STON1: variants seen among roughly 807,000 people sequenced by gnomAD.
STON1 encodes stonin 1.
Under a neutral mutation model 60.9 loss-of-function variants are expected in STON1, and 79 were observed. The ratio of observed to expected loss-of-function variants is 1.30; its 90% confidence interval spans 1.08 to 1.56. The LOEUF is 1.56. Among genes scored for constraint, STON1 ranks in the 40% most tolerant of loss-of-function variants. The pLI is 0.00. For synonymous variants in STON1, 363 were observed against 306.9 expected (o/e 1.18, Z -1.91); for missense variants, 1,166 against 858.9 (o/e 1.36, Z -4.47).
rs142007343 is a variant in STON1, at chr2:48,549,223, A to G, written c.-48+19007A>G. Among the ~76,000 whole-genome samples, 30 of 152,262 alleles carry G rather than the reference A, an allele frequency of 2.0e-4. No individual in the cohort carries two copies. The East Asian group carries it at 5.4e-3, about 27-fold the overall frequency. ...AAACTAAAAAGAGTAACAAGAGCAG[A>G]AGAATTTATCAAGTGCTTCCTATTT... is the stretch of plus-strand genomic sequence containing the variant. On this transcript the variant is annotated intron_variant, in intron 1 of 3. Transcript: ENST00000404752.
chr2:48,570,301 T>G (rs1302840122), intron 1 of STON1, among the ~76,000 whole-genome samples: 1 of 151,864 alleles, frequency 6.6e-6, no homozygotes, highest in South Asian at 2.1e-4. Flanking sequence ...ACCACTGCAC[T>G]CCAGCCTGGG....
chr2:48,576,761 A>G (rs1183443262), intron 1 of STON1, among the ~76,000 whole-genome samples: 1 of 152,132 alleles, frequency 6.6e-6, no homozygotes, highest in East Asian at 1.9e-4. Flanking sequence ...CCTTATAAGA[A>G]ATACCGTTTG....
At chr2:48,591,926 C>T (rs764358311) in intron 3 of STON1, 71 bp downstream of exon 3, 24 of 1,544,820 alleles carry the variant, frequency 1.6e-5, no homozygotes, top group African/African-American at 4.1e-5. Flanking sequence ...CTTTTGTGAT[C>T]GTGTATGTGT....
At position 48,581,145 on chromosome 2, in the gene STON1, C is replaced by T. The variant is rs992689557; in HGVS notation, c.512C>T (p.Pro171Leu). The change falls in exon 2 of 4, where the codon CCC (proline) becomes CTC (leucine). Residue 171 changes from proline (P) to leucine (L), a missense_variant. Physicochemically the swap from Pro to Leu is moderately conservative, Grantham distance 98. Coordinates refer to ENST00000404752, the MANE Select transcript of STON1 (RefSeq NM_006873.4). ...CTAGGATTCCAAAGTGATGATCTCC[C>T]CCAGTTTCAGTATTTTCGAGAGGAC... ...ESLGFQSDDL[P>L]QFQYFREDCA... 5.1e-6 allele frequency: 8 copies of T among 1,568,962 alleles called. No homozygotes were observed. In the Middle Eastern group the frequency reaches 5.1e-4, roughly 101 times the overall value.
chr2:48,576,888 A>C (rs975213337), intron 1 of STON1, among the ~76,000 whole-genome samples: 6 of 152,056 alleles, frequency 3.9e-5, no homozygotes, highest in African/African-American at 1.4e-4. Flanking sequence ...CCCTGTCTCT[A>C]CTAAAAATAC....
rs1674777935 is a variant in STON1 at position 48,596,252 on chromosome 2, C to T, written c.*950C>T. 6.6e-6 allele frequency: 1 copy of T among 152,048 alleles called. No homozygotes were observed. Among genetic ancestry groups the T allele is most frequent in the Non-Finnish European group, 1.5e-5 (1 of 67,994 alleles). 9.4% of individuals were successfully genotyped at this position (152,048 alleles called of 1,614,324 possible). On this transcript the variant is annotated 3_prime_UTR_variant, in exon 4 of 4. Coordinates refer to ENST00000404752, the MANE Select transcript of STON1 (RefSeq NM_006873.4). ...GCTATCATGCTGTTTTATGCTAATT[C>T]TGCTTATTTTAGAGTATTTTTCATT...
At chr2:48,532,383 TAAA>T (rs776104087) in intron 1 of STON1, among the ~76,000 whole-genome samples, 2,569 of 133,488 alleles carry the variant, frequency 0.019, 34 homozygotes, top group Non-Finnish European at 0.029. Context: ...AATAAATAAA[TAAA>T]TAATTGATAG....
chr2:48,562,005 C>G (rs918905989), intron 1 of STON1, among the ~76,000 whole-genome samples: 1 of 152,104 alleles, frequency 6.6e-6, no homozygotes, highest in Non-Finnish European at 1.5e-5. Context: ...GGATTACAGG[C>G]GTGCGCCACC....
At chr2:48,532,572 A>G (rs1671257059) in intron 1 of STON1, among the ~76,000 whole-genome samples, 1 of 152,188 alleles carries the variant, frequency 6.6e-6, no homozygotes, top group Non-Finnish European at 1.5e-5. Flanking sequence ...TTAATAGTGC[A>G]TTTAATATCC....
chr2:48,568,594 G>A (rs2103860329), intron 1 of STON1, among the ~76,000 whole-genome samples: 1 of 152,132 alleles, frequency 6.6e-6, no homozygotes, highest in African/African-American at 2.4e-5. Flanking sequence ...GAGAGGCAGG[G>A]CACCTAAATC....
At chr2:48,537,874 GA>G (rs955889959) in intron 1 of STON1, among the ~76,000 whole-genome samples, 52 of 148,310 alleles carry the variant, frequency 3.5e-4, no homozygotes, top group African/African-American at 1.2e-3. Context: ...AAAAAAAAAG[GA>G]AAAAAAAAGG....
intron 1 of STON1, among the ~76,000 whole-genome samples, chr2:48,543,529 C>CTT (rs869048449): frequency 6.5e-4 from 83 of 128,184 alleles, no homozygotes; most frequent in Non-Finnish European, 8.1e-4. Context: ...TTAAAGATAA[C>CTT]TTTTTTTTTT....
At chr2:48,548,050 T>C (rs2103778000) in intron 1 of STON1, among the ~76,000 whole-genome samples, 1 of 152,390 alleles carries the variant, frequency 6.6e-6, no homozygotes, top group Admixed American at 6.5e-5. Context: ...CATGCCCTGA[T>C]GTCCTGGTGA....
chr2:48,587,507 G>C (rs1260891623), intron 2 of STON1, among the ~76,000 whole-genome samples: 2 of 152,114 alleles, frequency 1.3e-5, no homozygotes, highest in Admixed American at 1.3e-4. Context: ...TGGCCAGGCT[G>C]GTCTCAAACT....
chr2:48,582,565 T>C lies in STON1; in HGVS notation c.1930+2T>C. On this transcript the variant is annotated splice_donor_variant, in intron 2 of 3. Transcript: ENST00000404752. LOFTEE classifies it high-confidence loss of function. Reference sequence around the variant, plus strand: ...ATCGGCTTCCAGACAAAAATTCAAGTAAATATTCAACACCCCAAGTTTATT... The same window carrying C: ...ATCGGCTTCCAGACAAAAATTCAAGCAAATATTCAACACCCCAAGTTTATT... 1 of 1,605,036 alleles carries C rather than the reference T, an allele frequency of 6.2e-7. No individual in the cohort carries two copies. Among genetic ancestry groups the C allele is most frequent in the Non-Finnish European group, 8.5e-7 (1 of 1,176,272 alleles).
At chr2:48,562,005 C>T (rs918905989) in intron 1 of STON1, among the ~76,000 whole-genome samples, 2 of 152,104 alleles carry the variant, frequency 1.3e-5, no homozygotes, top group Admixed American at 6.5e-5. Context: ...GGATTACAGG[C>T]GTGCGCCACC....
chr2:48,570,571 C>T (rs1001025276), intron 1 of STON1, among the ~76,000 whole-genome samples: 3 of 152,078 alleles, frequency 2.0e-5, no homozygotes, highest in African/African-American at 4.8e-5. Flanking sequence ...ATTTGTCACA[C>T]ATATTGAGGT....
intron 1 of STON1, among the ~76,000 whole-genome samples, chr2:48,540,136 G>A (rs1671597863): frequency 6.6e-6 from 1 of 152,062 alleles, no homozygotes; most frequent in African/African-American, 2.4e-5. Flanking sequence ...TCTGGTACCT[G>A]GAGATTTCTA....
intron 1 of STON1, among the ~76,000 whole-genome samples, chr2:48,537,091 ACTC>A (rs1474660178): frequency 6.6e-6 from 1 of 152,046 alleles, no homozygotes; most frequent in Non-Finnish European, 1.5e-5. Flanking sequence ...CATTTCTGTG[ACTC>A]CTACATCTTT....
Sources: allele counts gnomAD v4.1 joint callset (sites outside exome capture counted in the v4.1 genomes callset), GRCh38; gene constraint gnomAD v4.1.1; transcripts MANE v1.5; gene names NCBI Gene and HGNC (gene_info 2026-07-23, HGNC 2026-07-21).